Variants in RFX7 observed in about 807,000 individuals in gnomAD.
RFX7 encodes the protein regulatory factor X7, also known as DNA-binding protein RFX7.
RFX7 carries 26 observed loss-of-function variants against 111.8 expected under a neutral mutation model. The ratio of observed to expected loss-of-function variants is 0.23; its 90% confidence interval spans 0.17 to 0.32. The LOEUF (loss-of-function observed/expected upper bound fraction) is 0.32, where lower values mean the gene tolerates loss of function less well. RFX7 is among the 10% of genes least tolerant of loss of function. The probability of loss-of-function intolerance (pLI) is 1.00; values close to 1 mark genes in which losing one functional copy is unlikely to be tolerated. For synonymous variants in RFX7, 624 were observed against 624.4 expected, an observed-to-expected ratio of 1.00 and a Z score of 0.01; for missense variants, 1,573 against 1,772.9, an observed-to-expected ratio of 0.89 and a Z score of 2.02.
At chr15:56,164,848 TG>T (rs2042764678) in intron 3 of RFX7, among the ~76,000 whole-genome samples, 1 of 152,220 alleles carries the variant, frequency 6.6e-6, no homozygotes, top group African/African-American at 2.4e-5. Flanking sequence ...CAGCTTAGGC[TG>T]TTAATTTTGA....
chr15:56,222,146 CA>C (rs1228944644), intron 2 of RFX7, among the ~76,000 whole-genome samples: 2 of 152,032 alleles, frequency 1.3e-5, no homozygotes, highest in Admixed American at 1.3e-4. Flanking sequence ...TTTAAATTTC[CA>C]GATTGACAAC....
rs1284305986 is a variant in RFX7, at chr15:56,243,205, C to G, written c.81G>C (p.Gly27=). 7.4e-7 allele frequency: 1 copy of G among 1,343,416 alleles called. No homozygotes were observed. The highest frequency in any genetic ancestry group is 1.2e-5 in the South Asian group (1 of 84,274). The allele number at this position is 1,343,416 out of a possible 1,614,324, so 83.2% of individuals were successfully genotyped here. ...QQLPPSAPNS[G]VALPALVPGL... is the part of the protein sequence containing the mutation. ...CGGGCACAAGGGCTGGCAGGGCCACCCCCGAGTTGGGGGCGCTGGGGGGAA... is the reference window on the plus strand; with the variant it reads ...CGGGCACAAGGGCTGGCAGGGCCACGCCCGAGTTGGGGGCGCTGGGGGGAA... The change falls in exon 2 of 10, where the codon GGG becomes GGC. Residue 27 remains glycine, a synonymous_variant. Coordinates refer to ENST00000559447, the MANE Select transcript of RFX7 (RefSeq NM_022841.7).
chr15:56,175,121 GCA>G (rs1450928643), intron 3 of RFX7, among the ~76,000 whole-genome samples: 1 of 152,122 alleles, frequency 6.6e-6, no homozygotes, highest in Non-Finnish European at 1.5e-5. Flanking sequence ...TAGCAAGTTT[GCA>G]GGTTACAAGA....
In RFX7 at chr15:56,243,520, G is replaced by A. The variant is rs2043743735; in HGVS notation, c.-78C>T. Reference sequence around the variant, plus strand: ...GGGAGACCAGCGGCTCCTCACGGCCGGGGCGCTTCACCGCGGGAGAGGCAT... The same window carrying A: ...GGGAGACCAGCGGCTCCTCACGGCCAGGGCGCTTCACCGCGGGAGAGGCAT... On this transcript the variant is annotated 5_prime_UTR_variant, in exon 1 of 10. Coordinates refer to ENST00000559447, the MANE Select transcript of RFX7 (RefSeq NM_022841.7). 1 of 984,564 alleles carries A rather than the reference G, an allele frequency of 1.0e-6. No homozygotes were observed. The allele number at this position is 984,564 out of a possible 1,614,324, so 61.0% of individuals were successfully genotyped here.
chr15:56,118,066 A>T (rs2042032091), intron 5 of RFX7, among the ~76,000 whole-genome samples: 1 of 149,934 alleles, frequency 6.7e-6, no homozygotes, highest in African/African-American at 2.4e-5. Flanking sequence ...TTGTGAGTAT[A>T]TATTAGGTAT....
chr15:56,132,502 A>T (rs1044575174), intron 5 of RFX7, among the ~76,000 whole-genome samples: 12 of 152,074 alleles, frequency 7.9e-5, no homozygotes, highest in Non-Finnish European at 1.6e-4. Context: ...AGAAAAAATT[A>T]AAATAAGTAC....
At chr15:56,167,426 C>T (rs1405208692) in intron 3 of RFX7, among the ~76,000 whole-genome samples, 1 of 152,166 alleles carries the variant, frequency 6.6e-6, no homozygotes, top group Non-Finnish European at 1.5e-5. Context: ...GAGAAACTTA[C>T]ACTCAGCTGG....
intron 3 of RFX7, among the ~76,000 whole-genome samples, chr15:56,154,965 A>C (rs2042631160): frequency 1.3e-5 from 2 of 152,232 alleles, no homozygotes; most frequent in South Asian, 4.1e-4. Context: ...AAATGGGCAA[A>C]GGGTATGAAC....
rs554505250 is a variant in RFX7, at chr15:56,198,758, A to G, written c.162-19455T>C. Reference sequence around the variant, plus strand: ...CAAAATAACCAATGAAGACTTACAGATAAATAAGATTAGCTATGAAACTAA... The same window carrying G: ...CAAAATAACCAATGAAGACTTACAGGTAAATAAGATTAGCTATGAAACTAA... On this transcript the variant is annotated intron_variant, in intron 2 of 9. Transcript: ENST00000559447. 1.6e-4 allele frequency among the ~76,000 whole-genome samples: 24 copies of G among 152,332 alleles called. 1 individual carries two copies. In the South Asian group the frequency reaches 4.8e-3, roughly 30 times the overall value.
chr15:56,178,288 A>C (rs2042926251), intron 3 of RFX7, among the ~76,000 whole-genome samples: 1 of 152,048 alleles, frequency 6.6e-6, no homozygotes, highest in African/African-American at 2.4e-5. Flanking sequence ...TTAGGTTAGA[A>C]AAGTGTAAGA....
At chr15:56,127,261 G>C (rs1258240566) in intron 5 of RFX7, among the ~76,000 whole-genome samples, 2 of 151,850 alleles carry the variant, frequency 1.3e-5, no homozygotes, top group Non-Finnish European at 2.9e-5. Context: ...AGAGAAATTA[G>C]AGAATACTTG....
chr15:56,109,732 G>A (rs1167724421), intron 5 of RFX7, among the ~76,000 whole-genome samples: 3 of 151,490 alleles, frequency 2.0e-5, no homozygotes, highest in Non-Finnish European at 2.9e-5. Flanking sequence ...TCTCTGCCCG[G>A]CCGCCCCGTC....
chr15:56,095,883 T>C lies in RFX7; in HGVS notation c.1845A>G (p.Thr615=), dbSNP rs1446908737. ...RCNEMLPGTS[T]GNNQSTITLS... ...GAGTGATAGTGCTTTGATTATTGCC[T>C]GTTGACGTGCCTGGCAGCATTTCAT... The change falls in exon 10 of 10, where the codon ACA becomes ACG. Residue 615 remains threonine (T), a synonymous_variant. Transcript: ENST00000559447. The C allele has an allele frequency of 6.2e-7, 1 of 1,605,482 alleles. No individual in the cohort carries two copies. The highest frequency in any genetic ancestry group is 1.7e-5 in the Admixed American group (1 of 60,008).
intron 2 of RFX7, among the ~76,000 whole-genome samples, chr15:56,195,475 TC>T (rs1458268904): frequency 6.6e-6 from 1 of 152,182 alleles, no homozygotes; most frequent in East Asian, 1.9e-4. Flanking sequence ...TAGTGCCTAA[TC>T]AACAGATTGC....
At chr15:56,213,493 A>G (rs2043332570) in intron 2 of RFX7, among the ~76,000 whole-genome samples, 1 of 152,212 alleles carries the variant, frequency 6.6e-6, no homozygotes, top group Non-Finnish European at 1.5e-5. Flanking sequence ...AAGCTTTAGA[A>G]ATGGGGGAAC....
In RFX7 at chr15:56,092,084, A is replaced by C. The variant is rs1340097843; in HGVS notation, c.*1261T>G. On this transcript the variant is annotated 3_prime_UTR_variant, in exon 10 of 10. Transcript: ENST00000559447. Reference sequence around the variant, plus strand: ...TGCAACTCATAAATAATTATTCACAAAACAAAATGGGAGCCATAGAGAGAA... The same window carrying C: ...TGCAACTCATAAATAATTATTCACACAACAAAATGGGAGCCATAGAGAGAA... 6.6e-6 allele frequency: 1 copy of C among 152,562 alleles called. No homozygotes were observed. The highest frequency in any genetic ancestry group is 2.4e-5 in the African/African-American group (1 of 41,448). The allele number at this position is 152,562 out of a possible 1,614,324, so 9.5% of individuals were successfully genotyped here.
At position 56,090,842 on chromosome 15, in the gene RFX7, G is replaced by C. The variant is rs1233759153; in HGVS notation, c.*2503C>G. ...TTCAGTTCAAAAGTCAGTGCTTATT[G>C]CAATTATATGCAAAATTATTTACTT... On this transcript the variant is annotated 3_prime_UTR_variant, in exon 10 of 10. Transcript: ENST00000559447. 1 of 152,484 alleles carries C rather than the reference G, an allele frequency of 6.6e-6. No homozygotes were observed. The highest frequency in any genetic ancestry group is 1.5e-5 in the Non-Finnish European group (1 of 67,990). 9.4% of individuals were successfully genotyped at this position (152,484 alleles called of 1,614,324 possible).
intron 5 of RFX7, among the ~76,000 whole-genome samples, chr15:56,131,146 A>T (rs977436001): frequency 6.6e-6 from 1 of 152,106 alleles, no homozygotes; most frequent in Non-Finnish European, 1.5e-5. Flanking sequence ...AAATTCATTT[A>T]TGAATGTAGA....
chr15:56,179,964 T>C (rs1422282635), intron 2 of RFX7, among the ~76,000 whole-genome samples: 1 of 152,198 alleles, frequency 6.6e-6, no homozygotes, highest in Non-Finnish European at 1.5e-5. Context: ...ATAAGTGAAC[T>C]GTTAATATAT....
Sources: gnomAD v4.1 joint callset for allele counts (sites outside exome capture counted in the v4.1 genomes callset) on GRCh38, gnomAD v4.1.1 for gene constraint, MANE v1.5 for transcripts, NCBI Gene and HGNC (gene_info 2026-07-23, HGNC 2026-07-21) for gene names.